The following KDM4C variants were observed in gnomAD, a reference collection of about 807,000 sequenced individuals.
The protein encoded by KDM4C is lysine demethylase 4C, also known as lysine-specific demethylase 4C.
KDM4C carries 81 observed loss-of-function variants against 129.3 expected under a neutral mutation model. That is an observed-to-expected ratio of 0.63 (90% CI 0.52 to 0.75). KDM4C has a LOEUF of 0.75. KDM4C is among the 30% of genes least tolerant of loss of function. The probability of loss-of-function intolerance (pLI) is 0.00; values close to 1 mark genes in which losing one functional copy is unlikely to be tolerated. For missense variants in KDM4C, 1,457 were observed against 1,304.0 expected, an observed-to-expected ratio of 1.12 and a Z score of -1.81; for synonymous variants, 573 against 456.1, an observed-to-expected ratio of 1.26 and a Z score of -3.26.
At chr9:6,912,809 A>T (rs1284005024) in intron 8 of KDM4C, among the ~76,000 whole-genome samples, 1 of 152,142 alleles carries the variant, frequency 6.6e-6, no homozygotes, top group Non-Finnish European at 1.5e-5. Context: ...GGTATTCCCT[A>T]TGTGTTACCA....
chr9:7,003,579 C>T (rs190024524), intron 12 of KDM4C, among the ~76,000 whole-genome samples: 3 of 152,074 alleles, frequency 2.0e-5, no homozygotes, highest in Non-Finnish European at 4.4e-5. Context: ...AAGAACAAAA[C>T]TATATACATC....
intron 8 of KDM4C, among the ~76,000 whole-genome samples, chr9:6,931,234 A>G (rs1823675552): frequency 6.6e-6 from 1 of 152,014 alleles, no homozygotes; most frequent in South Asian, 2.1e-4. Context: ...GTGTGAAACT[A>G]CCATCGCCTG....
intron 17 of KDM4C, among the ~76,000 whole-genome samples, chr9:7,052,295 A>G (rs1184773118): frequency 1.3e-5 from 2 of 152,198 alleles, no homozygotes; most frequent in Non-Finnish European, 2.9e-5. Context: ...AAATTGAACA[A>G]CCAAATTGAA....
At chr9:6,816,560 T>C (rs563699303) in intron 4 of KDM4C, among the ~76,000 whole-genome samples, 1 of 152,350 alleles carries the variant, frequency 6.6e-6, no homozygotes, top group South Asian at 2.1e-4. Context: ...TTATACTTCA[T>C]ACCTTATACC....
At chr9:6,822,164 G>A (rs1190528884) in intron 4 of KDM4C, among the ~76,000 whole-genome samples, 1 of 152,170 alleles carries the variant, frequency 6.6e-6, no homozygotes, top group African/African-American at 2.4e-5. Flanking sequence ...GCTGGTTTTT[G>A]TAATAAAGCT....
chr9:7,061,056 T>C (rs767489093), intron 17 of KDM4C, among the ~76,000 whole-genome samples: 2 of 152,232 alleles, frequency 1.3e-5, no homozygotes, highest in African/African-American at 2.4e-5. Flanking sequence ...TGCCTGTATT[T>C]ACTTTGTTTT....
At chr9:6,936,853 A>T (rs539719692) in intron 8 of KDM4C, among the ~76,000 whole-genome samples, 2 of 152,322 alleles carry the variant, frequency 1.3e-5, no homozygotes, top group East Asian at 3.9e-4. Flanking sequence ...TAAGGTAATA[A>T]GACCTCCCCT....
At chr9:6,761,627 C>T (rs974771813) in intron 1 of KDM4C, among the ~76,000 whole-genome samples, 1 of 152,016 alleles carries the variant, frequency 6.6e-6, no homozygotes, top group Non-Finnish European at 1.5e-5. Flanking sequence ...GCCTGATCAT[C>T]CCTTCCTGTT....
chr9:6,775,064 G>T (rs1822710299), intron 1 of KDM4C, among the ~76,000 whole-genome samples: 1 of 152,134 alleles, frequency 6.6e-6, no homozygotes, highest in South Asian at 2.1e-4. Flanking sequence ...AGGTCAGAGT[G>T]CAAGTGCAGT....
intron 15 of KDM4C, among the ~76,000 whole-genome samples, chr9:7,041,179 C>G (rs949622720): frequency 1.3e-5 from 2 of 151,938 alleles, no homozygotes; most frequent in African/African-American, 4.8e-5. Context: ...TGTGTCTGTA[C>G]TCAACATGTA....
At position 6,857,709 on chromosome 9, in the gene KDM4C, T is replaced by C. The variant is rs529231659; in HGVS notation, c.629+8009T>C. ...TGAACTGGAACTAATCCTAATAATG[T>C]CAGTCAACGTGCAAAGCAAATAGTT... On this transcript the variant is annotated intron_variant, in intron 5 of 21. Coordinates refer to ENST00000381309, the MANE Select transcript of KDM4C (RefSeq NM_015061.6). Among the ~76,000 whole-genome samples, 49 of 152,176 alleles carry C rather than the reference T, an allele frequency of 3.2e-4. 1 individual carries two copies. Among genetic ancestry groups the C allele is most frequent in the African/African-American group, 1.1e-3 (47 of 41,542 alleles).
intron 18 of KDM4C, among the ~76,000 whole-genome samples, chr9:7,121,940 A>AT (rs1434036228): frequency 1.3e-5 from 2 of 150,220 alleles, no homozygotes; most frequent in Non-Finnish European, 3.0e-5. Context: ...TTCTTCACTC[A>AT]TTTTTTCCCA....
At chr9:6,857,047 C>T (rs1280177442) in intron 5 of KDM4C, among the ~76,000 whole-genome samples, 1 of 152,166 alleles carries the variant, frequency 6.6e-6, no homozygotes, top group African/African-American at 2.4e-5. Flanking sequence ...GAGATGGGAT[C>T]TTCCTATGTT....
intron 8 of KDM4C, among the ~76,000 whole-genome samples, chr9:6,923,794 C>CAATG (rs1255510217): frequency 1.3e-5 from 2 of 152,142 alleles, no homozygotes; most frequent in African/African-American, 4.8e-5. Flanking sequence ...CTTCCTGTGT[C>CAATG]AATGACTGCA....
chr9:6,784,107 C>G (rs1459143952), intron 1 of KDM4C, among the ~76,000 whole-genome samples: 1 of 152,000 alleles, frequency 6.6e-6, no homozygotes, highest in Non-Finnish European at 1.5e-5. Context: ...GTTACTATAG[C>G]CTGGCAATAT....
intron 5 of KDM4C, among the ~76,000 whole-genome samples, chr9:6,869,946 A>G (rs1043991914): frequency 2.0e-5 from 3 of 152,268 alleles, no homozygotes; most frequent in Admixed American, 6.5e-5. Flanking sequence ...TAATAAATGC[A>G]CAAGTATTAA....
At chr9:6,934,710 C>T (rs1208436195) in intron 8 of KDM4C, among the ~76,000 whole-genome samples, 1 of 151,904 alleles carries the variant, frequency 6.6e-6, no homozygotes, top group African/African-American at 2.4e-5. Flanking sequence ...GATCCGCCCA[C>T]CTCGGCCTCC....
intron 3 of KDM4C, among the ~76,000 whole-genome samples, chr9:6,806,019 T>C (rs1829901145): frequency 6.6e-6 from 1 of 152,228 alleles, no homozygotes; most frequent in Non-Finnish European, 1.5e-5. Flanking sequence ...TATCCTATAG[T>C]TGCCATGAGT....
chr9:6,757,624 T>C (rs560080462), upstream of KDM4C: 26 of 985,454 alleles, frequency 2.6e-5, no homozygotes, highest in Non-Finnish European at 3.1e-5. Context: ...CACGCTGACG[T>C]CCGCGCGTCG....
Sources: allele counts gnomAD v4.1 joint callset (sites outside exome capture counted in the v4.1 genomes callset), GRCh38; gene constraint gnomAD v4.1.1; transcripts MANE v1.5; gene names NCBI Gene and HGNC (gene_info 2026-07-23, HGNC 2026-07-21).